VPS54: variants seen among roughly 807,000 people sequenced by gnomAD.
VPS54 encodes the protein VPS54 subunit of GARP complex.
VPS54 carries 45 observed loss-of-function variants against 121.5 expected under a neutral mutation model. The ratio of observed to expected loss-of-function variants is 0.37; its 90% confidence interval spans 0.29 to 0.47. The LOEUF is 0.47. Among genes scored for constraint, VPS54 ranks in the 20% least tolerant of loss-of-function variants. The pLI is 0.99. For missense variants in VPS54, 1,090 were observed against 1,131.4 expected (o/e 0.96, Z 0.52); for synonymous variants, 371 against 385.8 (o/e 0.96, Z 0.45).
chr2:64,009,608 G>A (rs1678333474), intron 1 of VPS54, among the ~76,000 whole-genome samples: 2 of 152,098 alleles, frequency 1.3e-5, no homozygotes, highest in Non-Finnish European at 2.9e-5. Flanking sequence ...GAGCCACCAT[G>A]CCCAGCCTAC....
chr2:63,895,520 G>A (rs964928506), intron 22 of VPS54, among the ~76,000 whole-genome samples: 3 of 152,186 alleles, frequency 2.0e-5, no homozygotes, highest in Non-Finnish European at 2.9e-5. Context: ...ATGGGTACAG[G>A]ATTTTCTTTT....
chr2:63,956,658 C>G (rs923626487), intron 7 of VPS54, among the ~76,000 whole-genome samples: 1 of 152,156 alleles, frequency 6.6e-6, no homozygotes, highest in African/African-American at 2.4e-5. Context: ...TGCTATATGA[C>G]CTCAGTTTTC....
At chr2:63,924,794 CAA>C (rs1290063786) in intron 12 of VPS54, among the ~76,000 whole-genome samples, 1 of 152,018 alleles carries the variant, frequency 6.6e-6, no homozygotes, top group African/African-American at 2.4e-5. Context: ...TGATTTATGT[CAA>C]GAGTGACATT....
At chr2:63,893,635 T>G (rs1672320456) in intron 22 of VPS54, 100 bp from the exon 23 acceptor site, 4 of 1,067,636 alleles carry the variant, frequency 3.7e-6, no homozygotes, top group Non-Finnish European at 2.7e-6. Context: ...TATCTAAAAT[T>G]CAGATTTCTT....
At chr2:63,921,413 G>A in intron 12 of VPS54, 78 bp from the exon 13 acceptor site, 10 of 1,456,086 alleles carry the variant, frequency 6.9e-6, no homozygotes, top group South Asian at 5.8e-5. Context: ...TCAATAAAAA[G>A]GATGAAAAAG....
At position 63,983,975 on chromosome 2, in the gene VPS54, G is replaced by A. The variant is rs1354622731; in HGVS notation, c.25C>T (p.Pro9Ser). 1.2e-6 allele frequency: 2 copies of A among 1,612,350 alleles called. No individual in the cohort carries two copies. Among genetic ancestry groups the A allele is most frequent in the South Asian group, 2.2e-5 (2 of 90,616 alleles). Residue 9 changes from proline (P) to serine (S), a missense_variant, in exon 2 of 23, where the codon CCA becomes TCA. By Grantham distance (74) the Pro-to-Ser change is moderately conservative (BLOSUM62 -1). This residue lies in a region of VPS54 where 801 missense variants were observed against 757.0 expected (regional missense o/e 1.06). Coordinates refer to ENST00000272322, the MANE Select transcript of VPS54 (RefSeq NM_016516.3). Reference sequence around the variant, plus strand: ...TCACTGCTGCTTCCTTGAGGCACTGGTGAAGAACTGTGGCTTGAAGCCATT... The same window carrying A: ...TCACTGCTGCTTCCTTGAGGCACTGATGAAGAACTGTGGCTTGAAGCCATT... MASSHSSS[P>S]VPQGSSSDVF...
chr2:64,000,291 ATC>A (rs1400477506), intron 1 of VPS54, among the ~76,000 whole-genome samples: 10 of 152,272 alleles, frequency 6.6e-5, no homozygotes, highest in Admixed American at 3.3e-4. Context: ...TCTGAATTCC[ATC>A]TCTGTGTTAT....
At chr2:63,899,709 C>T (rs1344228879) in intron 20 of VPS54, 128 bp from the exon 21 acceptor site, 2 of 711,684 alleles carry the variant, frequency 2.8e-6, no homozygotes, top group Non-Finnish European at 4.6e-6. Flanking sequence ...TAAGCTTACA[C>T]TTTTCAACTG....
chr2:63,919,635 G>T (rs1223372129), intron 15 of VPS54, among the ~76,000 whole-genome samples: 5 of 152,078 alleles, frequency 3.3e-5, no homozygotes, highest in African/African-American at 1.2e-4. Context: ...ACAGATCGTT[G>T]TGAGAATGAA....
At chr2:63,897,678 T>TA in intron 21 of VPS54, 88 bp from the exon 22 acceptor site, 2 of 801,536 alleles carry the variant, frequency 2.5e-6, no homozygotes, top group Non-Finnish European at 3.8e-6. Context: ...AAAGTATTTT[T>TA]AAAAACCAAA....
At chr2:63,991,515 G>T (rs1677316562) in intron 1 of VPS54, among the ~76,000 whole-genome samples, 2 of 152,298 alleles carry the variant, frequency 1.3e-5, no homozygotes, top group Admixed American at 1.3e-4. Flanking sequence ...TTTTCTTGGA[G>T]CCTGCTATAA....
intron 9 of VPS54, among the ~76,000 whole-genome samples, chr2:63,945,938 G>A (rs1378632359): frequency 1.3e-5 from 2 of 152,062 alleles, no homozygotes; most frequent in African/African-American, 2.4e-5. Flanking sequence ...TACAAATTAT[G>A]TTTACAGCTC....
intron 7 of VPS54, among the ~76,000 whole-genome samples, chr2:63,953,812 T>C (rs1164057404): frequency 6.6e-6 from 1 of 152,210 alleles, no homozygotes; most frequent in Non-Finnish European, 1.5e-5. Flanking sequence ...AATTCAAGAC[T>C]ATATGGTTTT....
chr2:63,899,650 G>A (rs1672592583), intron 20 of VPS54, 69 bp from the exon 21 acceptor site: 1 of 1,296,214 alleles, frequency 7.7e-7, no homozygotes, highest in Non-Finnish European at 1.1e-6. Context: ...ACCATTCCCT[G>A]AGACATATAT....
At chr2:64,018,743 A>G (rs1478078254) in intron 1 of VPS54, among the ~76,000 whole-genome samples, 195 bp downstream of exon 1, 2 of 91,466 alleles carry the variant, frequency 2.2e-5, no homozygotes, top group Admixed American at 1.0e-4. Flanking sequence ...GGGAGAGTGA[A>G]AAGGAAAAAA....
chr2:64,016,719 C>T (rs934272301), intron 1 of VPS54, among the ~76,000 whole-genome samples: 2 of 151,694 alleles, frequency 1.3e-5, no homozygotes, highest in Non-Finnish European at 2.9e-5. Context: ...AGCGATTCGC[C>T]AGCCTCAGCC....
chr2:63,917,081 T>A, intron 15 of VPS54, 118 bp from the exon 16 acceptor site: 1 of 969,300 alleles, frequency 1.0e-6, no homozygotes, highest in Non-Finnish European at 1.6e-6. Flanking sequence ...AAAATAAACA[T>A]CTACTTCCTG....
At chr2:64,014,173 A>T (rs2104712307) in intron 1 of VPS54, among the ~76,000 whole-genome samples, 1 of 152,350 alleles carries the variant, frequency 6.6e-6, no homozygotes, top group South Asian at 2.1e-4. Flanking sequence ...ACATCTGAAG[A>T]ATAATTACCT....
At chr2:63,939,889 T>C (rs1203491163) in intron 11 of VPS54, among the ~76,000 whole-genome samples, 1 of 152,050 alleles carries the variant, frequency 6.6e-6, no homozygotes, top group Non-Finnish European at 1.5e-5. Flanking sequence ...GCCTCCCAAG[T>C]AGCTGGGACA....
Sources: allele counts gnomAD v4.1 joint callset (sites outside exome capture counted in the v4.1 genomes callset), GRCh38; gene constraint gnomAD v4.1.1; regional missense constraint gnomAD v4.1.1; transcripts MANE v1.5; gene names NCBI Gene and HGNC (gene_info 2026-07-23, HGNC 2026-07-21).